Variants in COL4A3 observed in about 807,000 individuals in gnomAD.
COL4A3 encodes the protein collagen alpha-3(IV) chain.
In COL4A3, 135 loss-of-function variants were observed where a neutral mutation model predicts 217.4. The ratio of observed to expected loss-of-function variants is 0.62; its 90% CI spans 0.54 to 0.72. COL4A3 has a LOEUF of 0.72. Among genes scored for constraint, COL4A3 ranks in the 30% least tolerant of loss-of-function variants. The probability of loss-of-function intolerance (pLI) is 0.00; values close to 1 mark genes in which losing one functional copy is unlikely to be tolerated. For missense variants in COL4A3, 1,868 were observed against 2,119.9 expected, an observed-to-expected ratio of 0.88 and a Z score of 2.33; for synonymous variants, 690 against 736.3, an observed-to-expected ratio of 0.94 and a Z score of 1.02.
chr2:227,240,127 G>T lies in COL4A3; in HGVS notation c.145-16G>T. ...TGCTGCTCTGTGTGTTTCTCACCTC[G>T]TTTTGGTTTTAACAGGGGGAGAAGG... On this transcript the variant is annotated splice_polypyrimidine_tract_variant and intron_variant, in intron 2 of 51. Transcript: ENST00000396578. The T allele has an allele frequency of 1.3e-6, 2 of 1,593,570 alleles. No homozygotes were observed. Among genetic ancestry groups the T allele is most frequent in the Non-Finnish European group, 1.7e-6 (2 of 1,168,636 alleles).
rs1270718037 is a variant in COL4A3, at chr2:227,208,793, CACACACACACACAT to C, written c.88-29173_88-29160del. On this transcript the variant is annotated intron_variant, in intron 1 of 51. Coordinates refer to ENST00000396578, the MANE Select transcript of COL4A3 (RefSeq NM_000091.5). ...ACACACACACACACACACACACACA[CACACACACACACAT>C]ATATACAGAAGGAGGTAAGTACAAA... Among the ~76,000 whole-genome samples, 14 of 131,150 alleles carry C rather than the reference CACACACACACACAT, an allele frequency of 1.1e-4. No individual in the cohort carries two copies. The East Asian group carries it at 2.7e-3, about 25-fold the overall frequency. 86.0% of individuals were successfully genotyped at this position (131,150 alleles called of 152,430 possible).
chr2:227,250,410 A>C lies in COL4A3; in HGVS notation c.547-730A>C, dbSNP rs1348026017. Among the ~76,000 whole-genome samples, 1 of 152,054 alleles carries C rather than the reference A, an allele frequency of 6.6e-6. No individual in the cohort carries two copies. Among genetic ancestry groups the C allele is most frequent in the Non-Finnish European group, 1.5e-5 (1 of 68,010 alleles). On this transcript the variant is annotated intron_variant, in intron 9 of 51. Transcript: ENST00000396578. This position sits in a 1 kb window ranked among gnomAD's most constrained non-coding sequence, Gnocchi z 4.1. ...TATTTAAAAATTGTATGAACCAGGC[A>C]TGGTGGCATGTGCCTGTAGTCCCAG...
Position 227,245,960 on chromosome 2 carries a change from C to T in COL4A3, c.331C>T (p.Pro111Ser). The T allele has an allele frequency of 2.5e-6, 4 of 1,613,852 alleles. No homozygotes were observed. Among genetic ancestry groups the T allele is most frequent in the Non-Finnish European group, 3.4e-6 (4 of 1,179,770 alleles). ...AGACTTGTTCTTCTTCCAGGGCACC[C>T]CAGGCAATACCGGGCCTTACGGACT... is the stretch of plus-strand genomic sequence containing the variant. ...FSGSPGLPGT[P>S]GNTGPYGLVG... The change falls in exon 6 of 52, where the codon CCA (proline) becomes TCA (serine). Residue 111 changes from proline (P) to serine (S), a missense_variant. Around this residue, in one of 2 missense-constraint regions of COL4A3, gnomAD observed 365 missense variants for 333.8 expected, o/e 1.09. Transcript: ENST00000396578.
chr2:227,241,465 C>G (rs575138962), intron 3 of COL4A3, among the ~76,000 whole-genome samples: 2 of 152,140 alleles, frequency 1.3e-5, no homozygotes, highest in South Asian at 2.1e-4. Context: ...CTTGAGCCCA[C>G]GAGTTTGAGG....
intron 38 of COL4A3, 22 bp downstream of exon 38, chr2:227,293,339 C>A: frequency 6.2e-7 from 1 of 1,613,420 alleles, no homozygotes; most frequent in South Asian, 1.1e-5. Flanking sequence ...GTTTACAATT[C>A]TAAAAGCTGG....
chr2:227,187,392 T>C (rs2066071448), intron 1 of COL4A3, among the ~76,000 whole-genome samples: 1 of 152,098 alleles, frequency 6.6e-6, no homozygotes, highest in Non-Finnish European at 1.5e-5. Flanking sequence ...ACTTTGATGG[T>C]GTGATCATGG....
intron 9 of COL4A3, among the ~76,000 whole-genome samples, chr2:227,249,232 T>TATATATATATATATATATATA (rs1559865184): frequency 7.0e-5 from 1 of 14,196 alleles, no homozygotes; most frequent in Non-Finnish European, 1.9e-4. Context: ...ATATATATAT[T>TATATATATATATATATATATA]TTTTTTTTTT....
intron 42 of COL4A3, 57 bp from the exon 43 acceptor site, chr2:227,298,625 A>G (rs2073138608): frequency 6.2e-7 from 1 of 1,609,966 alleles, no homozygotes; most frequent in East Asian, 2.2e-5. Flanking sequence ...ATCACTGATA[A>G]ATAGAACCTT....
intron 23 of COL4A3, among the ~76,000 whole-genome samples, chr2:227,268,086 G>A (rs2071023474): frequency 6.6e-6 from 1 of 152,174 alleles, no homozygotes; most frequent in Non-Finnish European, 1.5e-5. Context: ...CCACAGTCCT[G>A]ACTCTGCCAC....
At chr2:227,165,936 A>T (rs78335199) in intron 1 of COL4A3, among the ~76,000 whole-genome samples, 64 of 152,286 alleles carry the variant, frequency 4.2e-4, no homozygotes, top group African/African-American at 1.5e-3. Context: ...TATTTCATGT[A>T]GTTTTCCAAA....
intron 20 of COL4A3, among the ~76,000 whole-genome samples, chr2:227,263,019 C>T (rs1356166967): frequency 2.0e-5 from 3 of 152,076 alleles, no homozygotes; most frequent in Non-Finnish European, 4.4e-5. Context: ...TTACACTACA[C>T]ATTTGATACA....
rs574054310 is a variant in COL4A3, at chr2:227,268,067, C to T, written c.1504+979C>T. Among the ~76,000 whole-genome samples the T allele has an allele frequency of 1.4e-4, 22 of 152,366 alleles. No homozygotes were observed. In the South Asian group the frequency reaches 2.5e-3, roughly 17 times the overall value. On this transcript the variant is annotated intron_variant, in intron 23 of 51. Transcript: ENST00000396578. ...GACTACACAGGGCCTCTCTCTCCCT[C>T]GCTACCACCCACAGTCCTGACTCTG...
At position 227,254,638 on chromosome 2, in the gene COL4A3, T is replaced by C. The variant is rs749211570; in HGVS notation, c.829-18T>C. 19 of 1,590,540 alleles carry C rather than the reference T, an allele frequency of 1.2e-5. No individual in the cohort carries two copies. The highest frequency in any genetic ancestry group is 1.6e-5 in the Non-Finnish European group (18 of 1,158,672). On this transcript the variant is annotated intron_variant, in intron 14 of 51. Transcript: ENST00000396578. ...AATCAGTAATTCATAAAATTTGACA[T>C]GGCTCTAATTAATACAGGGACTGCC...
intron 1 of COL4A3, among the ~76,000 whole-genome samples, chr2:227,215,168 A>C (rs1254256975): frequency 1.3e-5 from 2 of 151,710 alleles, no homozygotes; most frequent in South Asian, 4.2e-4. Context: ...TTTTTTTTTT[A>C]ATGAAAAGTC....
At chr2:227,205,064 A>G (rs1024074127) in intron 1 of COL4A3, among the ~76,000 whole-genome samples, 1 of 152,210 alleles carries the variant, frequency 6.6e-6, no homozygotes, top group African/African-American at 2.4e-5. Context: ...GCAGAAGTTT[A>G]TTTAGAGAGA....
At chr2:227,272,520 A>G (rs2071302261) in intron 25 of COL4A3, among the ~76,000 whole-genome samples, 1 of 152,254 alleles carries the variant, frequency 6.6e-6, no homozygotes, top group Non-Finnish European at 1.5e-5. Context: ...TATGAGAGAA[A>G]ATGGAAGTGG....
At chr2:227,166,542 T>C (rs930736072) in intron 1 of COL4A3, among the ~76,000 whole-genome samples, 1 of 152,264 alleles carries the variant, frequency 6.6e-6, no homozygotes, top group Non-Finnish European at 1.5e-5. Context: ...ACTCTAGTTA[T>C]ACCATTTTCA....
intron 9 of COL4A3, among the ~76,000 whole-genome samples, chr2:227,249,548 T>C (rs933770233): frequency 1.3e-5 from 2 of 152,066 alleles, no homozygotes; most frequent in East Asian, 1.9e-4. Flanking sequence ...TTAACCAGAA[T>C]TATTTTAACT....
Position 227,302,677 on chromosome 2 carries a change from C to CAAAAAAAAAAAAAAAAAAAAAAAAAAA in COL4A3, c.3883-358_3883-332dup, listed in dbSNP as rs56065709. Among the ~76,000 whole-genome samples the CAAAAAAAAAAAAAAAAAAAAAAAAAAA allele has an allele frequency of 5.4e-4, 43 of 79,908 alleles. 5 individuals are homozygous for CAAAAAAAAAAAAAAAAAAAAAAAAAAA. The highest frequency in any genetic ancestry group is 6.6e-4 in the Non-Finnish European group (30 of 45,766). The allele number at this position is 79,908 out of a possible 152,430, so 52.4% of individuals were successfully genotyped here. On this transcript the variant is annotated intron_variant, in intron 43 of 51. Coordinates refer to ENST00000396578, the MANE Select transcript of COL4A3 (RefSeq NM_000091.5). ...GGAGGACAAAACGAGACTCTTTCTCCAAAAAAAAAAAAAAAAAAAAAAAAA... is the reference window on the plus strand; with the variant it reads ...GGAGGACAAAACGAGACTCTTTCTCCAAAAAAAAAAAAAAAAAAAAAAAAAAAAAAAAAAAAAAAAAAAAAAAAAAAA...
Sources: gnomAD v4.1 joint callset for allele counts (sites outside exome capture counted in the v4.1 genomes callset) on GRCh38, gnomAD v4.1.1 for gene constraint, gnomAD v4.1.1 regional missense constraint, Gnocchi (gnomAD v3.1) non-coding constraint, MANE v1.5 for transcripts, NCBI Gene and HGNC (gene_info 2026-07-23, HGNC 2026-07-21) for gene names.